NOXRED1: variants seen among roughly 807,000 people sequenced by gnomAD.
The protein encoded by NOXRED1 is NADP-dependent oxidoreductase domain-containing protein 1.
A neutral mutation model predicts 30.4 loss-of-function variants in NOXRED1; 20 were observed. The observed-to-expected ratio is 0.66, with a 90% confidence interval of 0.46 to 0.96. NOXRED1 has a LOEUF of 0.96. Ranked by LOEUF, NOXRED1 falls within the 40% of genes least tolerant of loss-of-function variation. The pLI is 0.00. For synonymous variants in NOXRED1, 155 were observed against 168.0 expected (o/e 0.92, Z 0.60); for missense variants, 374 against 428.0 (o/e 0.87, Z 1.11).
intron 2 of NOXRED1, among the ~76,000 whole-genome samples, chr14:77,412,016 A>G (rs906262913): frequency 6.1e-5 from 9 of 148,266 alleles, no homozygotes; most frequent in Non-Finnish European, 1.2e-4. Context: ...AATCGCTTGA[A>G]CCCGGGAGGC....
chr14:77,403,569 T>C (rs572098943), intron 5 of NOXRED1, among the ~76,000 whole-genome samples: 1 of 151,948 alleles, frequency 6.6e-6, no homozygotes, highest in South Asian at 2.1e-4. Context: ...GGTGGGAAGA[T>C]CACGTGAGCC....
At chr14:77,409,261 C>T (rs1462227910) in intron 2 of NOXRED1, among the ~76,000 whole-genome samples, 2 of 152,076 alleles carry the variant, frequency 1.3e-5, no homozygotes, top group African/African-American at 2.4e-5. Flanking sequence ...GTACTCCCCA[C>T]GTGTTGAGGG....
intron 1 of NOXRED1, among the ~76,000 whole-genome samples, chr14:77,417,678 C>G (rs1894866899): frequency 6.6e-6 from 1 of 152,158 alleles, no homozygotes; most frequent in African/African-American, 2.4e-5. Context: ...TAAAGTGAGT[C>G]TCTTGAAGAC....
chr14:77,411,735 G>C (rs1376679819), intron 2 of NOXRED1, among the ~76,000 whole-genome samples: 1 of 152,140 alleles, frequency 6.6e-6, no homozygotes, highest in Non-Finnish European at 1.5e-5. Flanking sequence ...TGGTTTCACA[G>C]TTGTATACGT....
At chr14:77,424,654 A>G (rs1319459774), upstream of NOXRED1, among the ~76,000 whole-genome samples, 1 of 152,208 alleles carries the variant, frequency 6.6e-6, no homozygotes, top group Non-Finnish European at 1.5e-5. Flanking sequence ...TAGCATGACC[A>G]ATGCAGCATA....
intron 5 of NOXRED1, among the ~76,000 whole-genome samples, chr14:77,404,899 G>A (rs549561971): frequency 1.3e-5 from 2 of 152,194 alleles, no homozygotes; most frequent in South Asian, 4.1e-4. Flanking sequence ...GATTATCAAA[G>A]ATCAAAAATA....
Position 77,423,219 on chromosome 14 carries a change from A to G in NOXRED1, c.-330T>C, listed in dbSNP as rs112817615. 6.5e-3 allele frequency among the ~76,000 whole-genome samples: 986 copies of G among 152,250 alleles called. 11 individuals carry two copies. The highest frequency in any genetic ancestry group is 0.023 in the African/African-American group (937 of 41,524). ...CACTGTTTTCGGCAGATGAATTTAC[A>G]ACAGCAATTGAGTTTTACAGGTATT... On this transcript the variant is annotated 5_prime_UTR_variant, in exon 1 of 6. Coordinates refer to ENST00000380835, the MANE Select transcript of NOXRED1 (RefSeq NM_001113475.3).
At chr14:77,413,431 G>T (rs1894715693) in intron 2 of NOXRED1, among the ~76,000 whole-genome samples, 1 of 152,032 alleles carries the variant, frequency 6.6e-6, no homozygotes, top group Non-Finnish European at 1.5e-5. Context: ...TAGAGACAGG[G>T]TTTCACTATG....
chr14:77,407,150 T>G (rs1566709124), intron 3 of NOXRED1, among the ~76,000 whole-genome samples: 1 of 152,254 alleles, frequency 6.6e-6, no homozygotes, highest in Non-Finnish European at 1.5e-5. Context: ...TTCATGTTAT[T>G]GACCGATGGT....
intron 3 of NOXRED1, 120 bp from the exon 4 acceptor site, chr14:77,406,995 C>G (rs530172186): frequency 1.0e-5 from 9 of 861,428 alleles, no homozygotes; most frequent in Non-Finnish European, 1.7e-5. Flanking sequence ...GAGATAAATG[C>G]GGGTCTGGGT....
intron 2 of NOXRED1, among the ~76,000 whole-genome samples, chr14:77,410,911 A>T (rs1410200452): frequency 1.3e-5 from 2 of 152,196 alleles, no homozygotes; most frequent in East Asian, 3.8e-4. Flanking sequence ...TGGGAGGTCA[A>T]TTTGAAAAAA....
Position 77,413,980 on chromosome 14 carries a change from G to T in NOXRED1, c.303C>A (p.Ile101=), listed in dbSNP as rs142622775. ...LAGTLLQLGP[I]PAESLRISTR... ...TGGAGATCCGCAGGCTTTCAGCAGG[G>T]ATGGGGCCAAGCTGCAGCAGTGTGC... Residue 101 remains isoleucine (I), a synonymous_variant, in exon 2 of 6, where the codon ATC becomes ATA. Transcript: ENST00000380835. The T allele has an allele frequency of 8.4e-4, 1,343 of 1,606,958 alleles. 2 individuals are homozygous for T. The highest frequency in any genetic ancestry group is 3.0e-3 in the Admixed American group (176 of 59,640).
At chr14:77,410,291 GA>G (rs930089269) in intron 2 of NOXRED1, among the ~76,000 whole-genome samples, 1 of 151,930 alleles carries the variant, frequency 6.6e-6, no homozygotes, top group Admixed American at 6.6e-5. Flanking sequence ...AAGAAAAAAA[GA>G]AAAAAACATT....
intron 1 of NOXRED1, 41 bp from the exon 2 acceptor site, chr14:77,414,168 C>T (rs763550215): frequency 2.5e-6 from 3 of 1,207,378 alleles, no homozygotes; most frequent in Non-Finnish European, 3.4e-6. Flanking sequence ...AATACATGCA[C>T]ACACTAGTTT....
intron 2 of NOXRED1, among the ~76,000 whole-genome samples, chr14:77,410,394 C>T (rs1894618865): frequency 6.6e-6 from 1 of 152,074 alleles, no homozygotes; most frequent in Admixed American, 6.5e-5. Context: ...CACTTGAGGC[C>T]AGGAGTTCGA....
intron 1 of NOXRED1, among the ~76,000 whole-genome samples, chr14:77,415,431 A>G (rs1327642465): frequency 1.3e-5 from 2 of 152,044 alleles, no homozygotes; most frequent in African/African-American, 4.8e-5. Context: ...TTAGCCCAGC[A>G]TGATGGTGTA....
chr14:77,399,759 C>T (rs552278400), intron 5 of NOXRED1, among the ~76,000 whole-genome samples: 98 of 152,012 alleles, frequency 6.4e-4, no homozygotes, highest in African/African-American at 2.3e-3. Context: ...ATGTAACATG[C>T]GCATAATGAG....
intron 5 of NOXRED1, among the ~76,000 whole-genome samples, chr14:77,396,362 G>T (rs968051990): frequency 6.7e-6 from 1 of 149,062 alleles, no homozygotes; most frequent in African/African-American, 2.5e-5. Context: ...TGATTCTCCT[G>T]CCTCAGCCTC....
At chr14:77,411,469 C>CAAA (rs368123770) in intron 2 of NOXRED1, among the ~76,000 whole-genome samples, 39 of 97,630 alleles carry the variant, frequency 4.0e-4, no homozygotes, top group African/African-American at 7.7e-4. Flanking sequence ...GACTCTGTCT[C>CAAA]AAAAAAAAAA....
Sources: gnomAD v4.1 joint callset for allele counts (sites outside exome capture counted in the v4.1 genomes callset) on GRCh38, gnomAD v4.1.1 for gene constraint, MANE v1.5 for transcripts, NCBI Gene and HGNC (gene_info 2026-07-23, HGNC 2026-07-21) for gene names.